JAK2: variants seen among roughly 807,000 people sequenced by gnomAD.
The protein encoded by JAK2 is Janus kinase 2, also known as tyrosine-protein kinase JAK2.
A neutral mutation model predicts 139.3 loss-of-function variants in JAK2; 86 were observed. The observed-to-expected ratio is 0.62, with a 90% confidence interval of 0.52 to 0.74. The LOEUF is 0.74. Among genes scored for constraint, JAK2 ranks in the 30% least tolerant of loss-of-function variants. JAK2 has a pLI of 0.00. For synonymous variants in JAK2, 490 were observed against 437.7 expected (o/e 1.12, Z -1.49); for missense variants, 1,421 against 1,360.3 (o/e 1.04, Z -0.70).
chr9:5,117,015 T>C (rs1439313006), intron 22 of JAK2, among the ~76,000 whole-genome samples: 1 of 152,188 alleles, frequency 6.6e-6, no homozygotes, highest in East Asian at 1.9e-4. Flanking sequence ...TTAAGGCCCT[T>C]ATAAGAGGCT....
intron 2 of JAK2, among the ~76,000 whole-genome samples, chr9:5,013,467 C>G (rs983161189): frequency 3.3e-5 from 5 of 152,160 alleles, no homozygotes; most frequent in African/African-American, 7.2e-5. Flanking sequence ...TTGGCTTCTT[C>G]TTCAGACCAC....
chr9:5,011,590 C>T (rs779790850), intron 2 of JAK2, among the ~76,000 whole-genome samples: 1 of 152,156 alleles, frequency 6.6e-6, no homozygotes, highest in Non-Finnish European at 1.5e-5. Context: ...TCATAGTAAA[C>T]AAAGTCTTTA....
intron 22 of JAK2, among the ~76,000 whole-genome samples, chr9:5,119,845 T>C (rs971426765): frequency 7.2e-5 from 11 of 152,184 alleles, no homozygotes; most frequent in African/African-American, 2.4e-4. Flanking sequence ...GCAGTTAGCA[T>C]ATAGTTTTAT....
Position 5,128,630 on chromosome 9 carries a change from T to C in JAK2, c.*1839T>C, listed in dbSNP as rs1201222939. Reference sequence around the variant, plus strand: ...ACATTTTTTTAAATGCTTCATCTTTTAGTTTTATATAAAGAATCCCACATG... The same window carrying C: ...ACATTTTTTTAAATGCTTCATCTTTCAGTTTTATATAAAGAATCCCACATG... On this transcript the variant is annotated 3_prime_UTR_variant, in exon 25 of 25. Coordinates refer to ENST00000381652, the MANE Select transcript of JAK2 (RefSeq NM_004972.4). Among the ~76,000 whole-genome samples, 1 of 151,940 alleles carries C rather than the reference T, an allele frequency of 6.6e-6. No homozygotes were observed. Among genetic ancestry groups the C allele is most frequent in the Non-Finnish European group, 1.5e-5 (1 of 67,818 alleles).
intron 22 of JAK2, among the ~76,000 whole-genome samples, chr9:5,096,412 A>C (rs1820988938): frequency 6.6e-6 from 1 of 152,210 alleles, no homozygotes; most frequent in South Asian, 2.1e-4. Flanking sequence ...AGTCCTTGCT[A>C]GATCGGTGGA....
intron 5 of JAK2, among the ~76,000 whole-genome samples, chr9:5,047,533 C>G (rs1817095374): frequency 6.6e-6 from 1 of 152,170 alleles, no homozygotes; most frequent in Admixed American, 6.5e-5. Context: ...ACCTCATGTT[C>G]TTGGCATCAT....
chr9:5,021,981 A>T lies in JAK2; in HGVS notation c.-7A>T. On this transcript the variant is annotated 5_prime_UTR_variant, in exon 3 of 25. Transcript: ENST00000381652. ...CTTACAGGCAAATGTTCTGAAAAAG[A>T]CTCTGCATGGGAATGGCCTGCCTTA... 1 of 1,602,448 alleles carries T rather than the reference A, an allele frequency of 6.2e-7. No individual in the cohort carries two copies. The highest frequency in any genetic ancestry group is 8.5e-7 in the Non-Finnish European group (1 of 1,169,858).
chr9:5,013,456 C>A (rs1343906817), intron 2 of JAK2, among the ~76,000 whole-genome samples: 6 of 152,172 alleles, frequency 3.9e-5, no homozygotes, highest in Non-Finnish European at 8.8e-5. Flanking sequence ...ATTTTATATT[C>A]TTGGCTTCTT....
chr9:5,089,537 CAAAAAAAAAAAA>C (rs58042774), intron 19 of JAK2, 125 bp from the exon 20 acceptor site: 18 of 87,080 alleles, frequency 2.1e-4, no homozygotes, highest in East Asian at 1.7e-3. Context: ...GACTTCGTCT[CAAAAAAAAAAAA>C]AAAAAAAAAA....
chr9:5,111,168 C>G lies in JAK2; in HGVS notation c.3060-11836C>G, dbSNP rs1316735370. Reference sequence around the variant, plus strand: ...GCGCTCAACTTGCTGAGTCGCACGGCAGCCACTCTCCATTCACATTCCTGG... The same window carrying G: ...GCGCTCAACTTGCTGAGTCGCACGGGAGCCACTCTCCATTCACATTCCTGG... On this transcript the variant is annotated intron_variant, in intron 22 of 24. Transcript: ENST00000381652. 6.7e-6 allele frequency: 5 copies of G among 748,338 alleles called. No homozygotes were observed. In the African/African-American group the frequency reaches 8.8e-5, roughly 13 times the overall value. The allele number at this position is 748,338 out of a possible 1,614,324, so 46.4% of individuals were successfully genotyped here.
chr9:5,068,979 A>G lies in JAK2; in HGVS notation c.1327-43A>G, dbSNP rs201434901. On this transcript the variant is annotated intron_variant, in intron 10 of 24. Coordinates refer to ENST00000381652, the MANE Select transcript of JAK2 (RefSeq NM_004972.4). ...TGTCAGAATAATCACTGTGATGTCC[A>G]TTGTGACTATCCCTCCCTTTCTTTA... is the stretch of plus-strand genomic sequence containing the variant. The G allele has an allele frequency of 9.4e-5, 108 of 1,147,824 alleles. No individual in the cohort carries two copies. The African/African-American group carries it at 1.5e-3, about 16-fold the overall frequency. 71.1% of individuals were successfully genotyped at this position (1,147,824 alleles called of 1,614,324 possible). A position where few individuals can be genotyped will look rare whatever the true frequency, so the allele number is the denominator to read the frequency against.
At chr9:5,115,303 T>C (rs1044305751) in intron 22 of JAK2, among the ~76,000 whole-genome samples, 1 of 151,986 alleles carries the variant, frequency 6.6e-6, no homozygotes, top group Non-Finnish European at 1.5e-5. Flanking sequence ...AACAAACATA[T>C]GAAAAAAAGC....
chr9:5,079,415 C>G (rs1819526776), intron 16 of JAK2, among the ~76,000 whole-genome samples: 2 of 152,074 alleles, frequency 1.3e-5, no homozygotes, highest in African/African-American at 4.8e-5. Flanking sequence ...TTGAGCAGAG[C>G]CCACCTATAT....
In JAK2 at chr9:5,064,999, C is replaced by G. The variant is rs760934459; in HGVS notation, c.1173C>G (p.Ala391=). The G allele has an allele frequency of 6.2e-7, 1 of 1,607,352 alleles. No homozygotes were observed. Among genetic ancestry groups the G allele is most frequent in the Non-Finnish European group, 8.5e-7 (1 of 1,176,616 alleles). Residue 391 remains alanine, a synonymous_variant, in exon 9 of 25, where the codon GCC becomes GCG. Transcript: ENST00000381652. ...HYLCKEVAPP[A]VLENIQSNCH... is the part of the protein sequence containing the mutation. ...TCTGTAAAGAAGTAGCACCTCCAGC[C>G]GTGCTTGAAAATATACAAAGCAACT...
At chr9:5,079,676 A>G (rs1399339332) in intron 16 of JAK2, among the ~76,000 whole-genome samples, 2 of 152,094 alleles carry the variant, frequency 1.3e-5, no homozygotes, top group Admixed American at 6.6e-5. Flanking sequence ...GCAGTGGCTC[A>G]TGCCTGTAAT....
intron 15 of JAK2, among the ~76,000 whole-genome samples, chr9:5,077,920 G>A (rs995141532): frequency 8.5e-5 from 13 of 152,084 alleles, no homozygotes; most frequent in African/African-American, 2.4e-5. Flanking sequence ...ATGAGAAAGC[G>A]GTGTTGACAG....
chr9:5,036,476 ATAC>A (rs1563944267), intron 4 of JAK2, among the ~76,000 whole-genome samples: 1 of 152,196 alleles, frequency 6.6e-6, no homozygotes, highest in East Asian at 1.9e-4. Flanking sequence ...ACTTCAAACT[ATAC>A]TACAAGGCTA....
intron 3 of JAK2, among the ~76,000 whole-genome samples, chr9:5,028,850 G>T (rs1822953327): frequency 6.6e-6 from 1 of 152,134 alleles, no homozygotes; most frequent in Admixed American, 6.5e-5. Flanking sequence ...TCTGGTTTAG[G>T]GTTTGGCTTG....
chr9:5,026,780 G>C (rs1470144177), intron 3 of JAK2, among the ~76,000 whole-genome samples: 1 of 152,142 alleles, frequency 6.6e-6, no homozygotes, highest in Admixed American at 6.5e-5. Context: ...TTATTTACTT[G>C]TGTGGTTTAG....
Sources: allele counts gnomAD v4.1 joint callset (sites outside exome capture counted in the v4.1 genomes callset), GRCh38; gene constraint gnomAD v4.1.1; transcripts MANE v1.5; gene names NCBI Gene and HGNC (gene_info 2026-07-23, HGNC 2026-07-21).